Variants in LIPK observed in about 807,000 individuals in gnomAD.
LIPK encodes lipase family member K, also known as lipase member K.
Under a neutral mutation model 48.6 loss-of-function variants are expected in LIPK, and 32 were observed. That is an observed-to-expected ratio of 0.66 (90% CI 0.50 to 0.88). LIPK has a LOEUF of 0.88. LIPK is among the 40% of genes least tolerant of loss of function. The probability of loss-of-function intolerance (pLI) is 0.00; values close to 1 mark genes in which losing one functional copy is unlikely to be tolerated. For missense variants in LIPK, 507 were observed against 478.5 expected, an observed-to-expected ratio of 1.06 and a Z score of -0.56; for synonymous variants, 164 against 157.4, an observed-to-expected ratio of 1.04 and a Z score of -0.32.
chr10:88,740,113 A>T, intron 8 of LIPK, 46 bp downstream of exon 8: 1 of 1,485,588 alleles, frequency 6.7e-7, no homozygotes, highest in Non-Finnish European at 9.3e-7. Context: ...TCTCTGCAAG[A>T]CCCTCAAGAA....
chr10:88,743,734 A>G (rs1290029819), intron 9 of LIPK, among the ~76,000 whole-genome samples: 1 of 152,180 alleles, frequency 6.6e-6, no homozygotes, highest in Non-Finnish European at 1.5e-5. Context: ...TAGGATGTGG[A>G]GCCTGGGCTA....
intron 7 of LIPK, among the ~76,000 whole-genome samples, chr10:88,739,544 C>T (rs527855529): frequency 6.6e-6 from 1 of 152,068 alleles, no homozygotes; most frequent in Non-Finnish European, 1.5e-5. Context: ...TTATATGGTA[C>T]ATGTTTTTTC....
intron 9 of LIPK, among the ~76,000 whole-genome samples, chr10:88,744,818 C>T (rs932701394): frequency 3.9e-5 from 6 of 152,090 alleles, no homozygotes; most frequent in Non-Finnish European, 7.3e-5. Context: ...AGAATCTGGA[C>T]GGCAACAGAG....
chr10:88,747,353 A>G (rs1842783542), intron 9 of LIPK, among the ~76,000 whole-genome samples: 1 of 152,176 alleles, frequency 6.6e-6, no homozygotes. Flanking sequence ...ATAAACATAT[A>G]TGCAAAAATT....
At chr10:88,718,472 C>A (rs1210222492) in intron 1 of LIPK, among the ~76,000 whole-genome samples, 4 of 151,498 alleles carry the variant, frequency 2.6e-5, no homozygotes, top group Admixed American at 6.6e-5. Context: ...TTGACATCAG[C>A]TTTGTTTTGT....
rs532393607 is a variant in LIPK at position 88,711,774 on chromosome 10, C to T, written c.-12+5454C>T. On this transcript the variant is annotated intron_variant, in intron 1 of 9. Coordinates refer to ENST00000404190, the MANE Select transcript of LIPK (RefSeq NM_001080518.2). Reference sequence around the variant, plus strand: ...ACAAGCGTGAGCCACTGTGTCCGGCCTATTTTTTTGATGATGTTTTTGAAG... The same window carrying T: ...ACAAGCGTGAGCCACTGTGTCCGGCTTATTTTTTTGATGATGTTTTTGAAG... Among the ~76,000 whole-genome samples the T allele has an allele frequency of 2.6e-5, 4 of 152,092 alleles. No individual in the cohort carries two copies. The East Asian group carries it at 7.7e-4, about 29-fold the overall frequency.
chr10:88,722,711 GCA>G (rs1842252243), intron 1 of LIPK, among the ~76,000 whole-genome samples: 1 of 152,118 alleles, frequency 6.6e-6, no homozygotes, highest in Non-Finnish European at 1.5e-5. Context: ...GTGGTTAAGA[GCA>G]CAGTCTTCAT....
At chr10:88,721,494 T>A (rs1842224646) in intron 1 of LIPK, among the ~76,000 whole-genome samples, 1 of 152,312 alleles carries the variant, frequency 6.6e-6, no homozygotes. Flanking sequence ...TCCTTCTATA[T>A]CCAGATCCAT....
intron 9 of LIPK, among the ~76,000 whole-genome samples, chr10:88,752,270 T>C (rs984196486): frequency 3.3e-5 from 5 of 152,208 alleles, no homozygotes; most frequent in African/African-American, 1.2e-4. Context: ...CTCCAGAATC[T>C]TTTATTTTCC....
Position 88,723,342 on chromosome 10 carries a change from G to T in LIPK, c.-11-1191G>T, listed in dbSNP as rs1405646651. Among the ~76,000 whole-genome samples, 6 of 152,210 alleles carry T rather than the reference G, an allele frequency of 3.9e-5. No individual in the cohort carries two copies. In the East Asian group the frequency reaches 1.2e-3, roughly 29 times the overall value. ...TTCTGAAGGTGATATTATTATTGCT[G>T]CCATAGAGTTGCACCAGAATCAAGC... is the stretch of plus-strand genomic sequence containing the variant. On this transcript the variant is annotated intron_variant, in intron 1 of 9. Coordinates refer to ENST00000404190, the MANE Select transcript of LIPK (RefSeq NM_001080518.2).
At position 88,707,085 on chromosome 10, in the gene LIPK, C is replaced by A. The variant is rs77418794; in HGVS notation, c.-12+765C>A. Among the ~76,000 whole-genome samples the A allele has an allele frequency of 7.6e-3, 1,163 of 152,186 alleles. 16 individuals are homozygous for A. The highest frequency in any genetic ancestry group is 0.026 in the African/African-American group (1,093 of 41,548). Reference sequence around the variant, plus strand: ...ATTCTTTAATTCTATGTGTCAAAGCCAAACTGTTATTTTTTGTTTGTTTTT... The same window carrying A: ...ATTCTTTAATTCTATGTGTCAAAGCAAAACTGTTATTTTTTGTTTGTTTTT... On this transcript the variant is annotated intron_variant, in intron 1 of 9. Coordinates refer to ENST00000404190, the MANE Select transcript of LIPK (RefSeq NM_001080518.2).
At position 88,743,287 on chromosome 10, in the gene LIPK, G is replaced by A; in HGVS notation, c.926G>A (p.Gly309Glu). ...NSGQLQAFDW[G>E]NSDQNMMHFH... Reference sequence around the variant, plus strand: ...GGTCAGCTCCAAGCTTTTGATTGGGGAAACTCTGATCAGAACATGATGCAC... The same window carrying A: ...GGTCAGCTCCAAGCTTTTGATTGGGAAAACTCTGATCAGAACATGATGCAC... The change falls in exon 9 of 10, where the codon GGA (glycine) becomes GAA (glutamate). Residue 309 changes from glycine (G) to glutamate (E), a missense_variant. Gly to Glu is a moderately conservative substitution (Grantham distance 98, BLOSUM62 -2). Coordinates refer to ENST00000404190, the MANE Select transcript of LIPK (RefSeq NM_001080518.2). 1 of 1,594,128 alleles carries A rather than the reference G, an allele frequency of 6.3e-7. No individual in the cohort carries two copies. The highest frequency in any genetic ancestry group is 8.6e-7 in the Non-Finnish European group (1 of 1,168,522).
chr10:88,732,768 G>T (rs758179317), intron 6 of LIPK, among the ~76,000 whole-genome samples: 1 of 152,222 alleles, frequency 6.6e-6, no homozygotes, highest in South Asian at 2.1e-4. Context: ...TCTATGTCTA[G>T]AAACGTGTCT....
intron 1 of LIPK, among the ~76,000 whole-genome samples, chr10:88,714,394 T>C (rs776061062): frequency 1.3e-5 from 2 of 152,190 alleles, no homozygotes; most frequent in Non-Finnish European, 2.9e-5. Flanking sequence ...CAAGAAGGGT[T>C]GTATGCTAAC....
At chr10:88,750,598 T>C (rs921199555) in intron 9 of LIPK, among the ~76,000 whole-genome samples, 1 of 152,014 alleles carries the variant, frequency 6.6e-6, no homozygotes, top group East Asian at 1.9e-4. Flanking sequence ...GGGCTAAACA[T>C]TGAGTTTACA....
chr10:88,747,895 T>A (rs1005106169), intron 9 of LIPK, among the ~76,000 whole-genome samples: 1 of 152,120 alleles, frequency 6.6e-6, no homozygotes, highest in Non-Finnish European at 1.5e-5. Flanking sequence ...GACCCAGCAA[T>A]CCCATTACTG....
At chr10:88,742,466 T>G (rs893343957) in intron 8 of LIPK, among the ~76,000 whole-genome samples, 1 of 152,214 alleles carries the variant, frequency 6.6e-6, no homozygotes, top group Non-Finnish European at 1.5e-5. Context: ...CAGAATAGTC[T>G]GAGAATAATT....
At chr10:88,742,230 G>A (rs365263) in intron 8 of LIPK, among the ~76,000 whole-genome samples, 33,465 of 152,086 alleles carry the variant, frequency 0.22, 3,855 homozygotes, top group East Asian at 0.37. Flanking sequence ...TGAGATTTGG[G>A]TGGGGACACA....
intron 9 of LIPK, among the ~76,000 whole-genome samples, chr10:88,747,087 G>A (rs1842779226): frequency 6.6e-6 from 1 of 152,004 alleles, no homozygotes; most frequent in African/African-American, 2.4e-5. Flanking sequence ...ATCCTAAACA[G>A]ATCAATAACA....
Sources: allele counts gnomAD v4.1 joint callset (sites outside exome capture counted in the v4.1 genomes callset), GRCh38; gene constraint gnomAD v4.1.1; transcripts MANE v1.5; gene names NCBI Gene and HGNC (gene_info 2026-07-23, HGNC 2026-07-21).